Variants in ENPP1 observed in about 807,000 individuals in gnomAD.
ENPP1 encodes the protein ectonucleotide pyrophosphatase/phosphodiesterase 1.
ENPP1 carries 73 observed loss-of-function variants against 122.8 expected under a neutral mutation model. That is an observed-to-expected ratio of 0.59 (90% confidence interval 0.49 to 0.72). ENPP1 has a LOEUF of 0.72. Among genes scored for constraint, ENPP1 ranks in the 30% least tolerant of loss-of-function variants. ENPP1 has a pLI of 0.00. For missense variants in ENPP1, 978 were observed against 1,128.1 expected (o/e 0.87, Z 1.91); for synonymous variants, 367 against 391.6 (o/e 0.94, Z 0.74).
chr6:131,818,803 G>A (rs957092411), intron 1 of ENPP1, among the ~76,000 whole-genome samples: 2 of 152,000 alleles, frequency 1.3e-5, no homozygotes, highest in Non-Finnish European at 2.9e-5. Context: ...GCAGCTGTGC[G>A]GTTGTTTAAG....
chr6:131,843,347 A>G (rs1781764304), intron 1 of ENPP1, among the ~76,000 whole-genome samples: 1 of 152,216 alleles, frequency 6.6e-6, no homozygotes, highest in Non-Finnish European at 1.5e-5. Flanking sequence ...TCATCTTATA[A>G]AAGGTAAATC....
intron 21 of ENPP1, among the ~76,000 whole-genome samples, chr6:131,882,899 A>G (rs1782331280): frequency 6.6e-6 from 1 of 152,004 alleles, no homozygotes; most frequent in Non-Finnish European, 1.5e-5. Context: ...TCAAGTTGGA[A>G]GAATATATCA....
intron 1 of ENPP1, chr6:131,826,794 C>T: frequency 2.3e-6 from 1 of 429,896 alleles, no homozygotes; most frequent in Non-Finnish European, 4.4e-6. Flanking sequence ...GTCCTGAAAG[C>T]CGTCTAACTG....
chr6:131,817,733 CTCTT>C (rs1028196711), intron 1 of ENPP1, among the ~76,000 whole-genome samples: 6 of 130,558 alleles, frequency 4.6e-5, no homozygotes, highest in South Asian at 5.3e-4. Flanking sequence ...CTCTCTGTCT[CTCTT>C]TCTTTCTCTC....
At position 131,893,452 on chromosome 6, in the gene ENPP1, A is replaced by T. The variant is rs1170775215; in HGVS notation, c.*2941A>T. ...CTTGGGGCTAAGGCTTGTAGGGTGA[A>T]TTGGAACTTTTCAGATGAGCAAGGC... On this transcript the variant is annotated 3_prime_UTR_variant, in exon 25 of 25. Transcript: ENST00000647893. 6.6e-6 allele frequency: 1 copy of T among 152,254 alleles called. No individual in the cohort carries two copies. The highest frequency in any genetic ancestry group is 2.4e-5 in the African/African-American group (1 of 41,460). The allele number at this position is 152,254 out of a possible 1,614,324, so 9.4% of individuals were successfully genotyped here.
chr6:131,819,978 GA>G, intron 1 of ENPP1: 1 of 517,628 alleles, frequency 1.9e-6, no homozygotes, highest in Admixed American at 2.6e-5. Context: ...GCAGAGTTTT[GA>G]AAAGCAAAAC....
chr6:131,883,057 G>C (rs1042234013), intron 21 of ENPP1, among the ~76,000 whole-genome samples: 3 of 152,170 alleles, frequency 2.0e-5, no homozygotes, highest in Admixed American at 1.3e-4. Flanking sequence ...CTTTTTTGAA[G>C]CTAAGTATTC....
chr6:131,846,371 C>T (rs1781810994), intron 1 of ENPP1, among the ~76,000 whole-genome samples: 1 of 152,198 alleles, frequency 6.6e-6, no homozygotes, highest in Non-Finnish European at 1.5e-5. Context: ...CTGCCACCTT[C>T]CATGTGCCTG....
intron 1 of ENPP1, among the ~76,000 whole-genome samples, chr6:131,844,234 A>C (rs1222513158): frequency 6.6e-6 from 1 of 152,256 alleles, no homozygotes; most frequent in African/African-American, 2.4e-5. Flanking sequence ...TCTGACATGC[A>C]CAAATTTCAG....
Position 131,869,457 on chromosome 6 carries a change from G to GA in ENPP1, c.1374dup (p.Pro459ThrfsTer3). 6.2e-7 allele frequency: 1 copy of GA among 1,613,348 alleles called. No individual in the cohort carries two copies. The highest frequency in any genetic ancestry group is 8.5e-7 in the Non-Finnish European group (1 of 1,179,444). On this transcript the variant is annotated frameshift_variant, in exon 13 of 25. Coordinates refer to ENST00000647893, the MANE Select transcript of ENPP1 (RefSeq NM_006208.3). LOFTEE classifies it high-confidence loss of function. ...ATCTATGGACCTGCAGCTCGATTGA[G>GA]ACCCTCTGATGTCCCAGATAAATAC...
intron 5 of ENPP1, 77 bp downstream of exon 5, chr6:131,852,312 G>A: frequency 1.1e-6 from 1 of 879,770 alleles, no homozygotes; most frequent in Non-Finnish European, 1.9e-6. Context: ...AAATTAAGAT[G>A]ATAAAAATAA....
chr6:131,836,017 T>C (rs767973017), intron 1 of ENPP1, among the ~76,000 whole-genome samples: 3 of 152,226 alleles, frequency 2.0e-5, no homozygotes, highest in Non-Finnish European at 4.4e-5. Flanking sequence ...ATCGTAAAAC[T>C]TCTCAACCTT....
intron 3 of ENPP1, among the ~76,000 whole-genome samples, chr6:131,850,395 C>A (rs945503331): frequency 5.9e-5 from 9 of 152,012 alleles, no homozygotes; most frequent in African/African-American, 2.2e-4. Context: ...TAAAAGCCTG[C>A]TTGAAATATA....
At chr6:131,850,850 T>C (rs951341788) in intron 3 of ENPP1, among the ~76,000 whole-genome samples, 2 of 152,258 alleles carry the variant, frequency 1.3e-5, no homozygotes, top group African/African-American at 4.8e-5. Context: ...GATTAAATTT[T>C]AGCAGGTAGA....
intron 1 of ENPP1, among the ~76,000 whole-genome samples, chr6:131,810,497 G>A (rs557919010): frequency 8.4e-6 from 1 of 119,374 alleles, no homozygotes; most frequent in South Asian, 2.7e-4. Context: ...AATGGAAAAG[G>A]CCCCAAAAGC....
chr6:131,851,257 T>C lies in ENPP1; in HGVS notation c.546T>C (p.Ser182=), dbSNP rs772977894. ...GCGACTGCTGCATCAACTACAGTTC[T>C]GTGTGTCAAGGTCAGGTGCTCGTTG... is the stretch of plus-strand genomic sequence containing the variant. ...DKGDCCINYS[S]VCQGEKSWVE... is the part of the protein sequence containing the mutation. The change falls in exon 4 of 25, where the codon TCT becomes TCC. Residue 182 remains serine (S), a synonymous_variant. Transcript: ENST00000647893. The C allele has an allele frequency of 3.7e-6, 6 of 1,614,066 alleles. No homozygotes were observed. In the African/African-American group the frequency reaches 6.7e-5, roughly 18 times the overall value.
At chr6:131,855,166 G>A (rs918390857) in intron 6 of ENPP1, 143 bp downstream of exon 6, 5 of 703,852 alleles carry the variant, frequency 7.1e-6, no homozygotes, top group Non-Finnish European at 1.3e-5. Context: ...CCTTGTGTAA[G>A]GCGCTTATCT....
rs373822001 is a variant in ENPP1 at position 131,890,328 on chromosome 6, C to G, written c.2608-13C>G. On this transcript the variant is annotated splice_polypyrimidine_tract_variant and intron_variant, in intron 24 of 24. Coordinates refer to ENST00000647893, the MANE Select transcript of ENPP1 (RefSeq NM_006208.3). Reference sequence around the variant, plus strand: ...TCTTGGTAACTTTTCTTTTATATTTCCTATTCTCCTAGCATGGGAAGCATG... The same window carrying G: ...TCTTGGTAACTTTTCTTTTATATTTGCTATTCTCCTAGCATGGGAAGCATG... The G allele has an allele frequency of 6.8e-6, 11 of 1,610,686 alleles. No homozygotes were observed. In the African/African-American group the frequency reaches 1.3e-4, roughly 20 times the overall value.
In ENPP1 at chr6:131,890,600, A is replaced by C. The variant is rs1281092748; in HGVS notation, c.*89A>C. The C allele has an allele frequency of 8.3e-7, 1 of 1,211,694 alleles. No homozygotes were observed. Among genetic ancestry groups the C allele is most frequent in the Non-Finnish European group, 1.2e-6 (1 of 820,716 alleles). The allele number at this position is 1,211,694 out of a possible 1,614,324, so 75.1% of individuals were successfully genotyped here. The stretch of plus-strand genomic sequence containing the variant: ...CTAGCTACACTATTGCATTGTTCAG[A>C]AACTGTCGACCAGAGTTAGAACGGA... On this transcript the variant is annotated 3_prime_UTR_variant, in exon 25 of 25. Coordinates refer to ENST00000647893, the MANE Select transcript of ENPP1 (RefSeq NM_006208.3).
Sources: allele counts gnomAD v4.1 joint callset (sites outside exome capture counted in the v4.1 genomes callset), GRCh38; gene constraint gnomAD v4.1.1; transcripts MANE v1.5; gene names NCBI Gene and HGNC (gene_info 2026-07-23, HGNC 2026-07-21).